Variants in SKAP1 observed in about 807,000 individuals in gnomAD.
The protein encoded by SKAP1 is src kinase-associated phosphoprotein 1.
SKAP1 carries 44 observed loss-of-function variants against 58.5 expected under a neutral mutation model. The ratio of observed to expected loss-of-function variants is 0.75; its 90% confidence interval spans 0.59 to 0.97. The LOEUF is 0.97. SKAP1 is among the 50% of genes least tolerant of loss of function. SKAP1 has a pLI of 0.00. For missense variants in SKAP1, 390 were observed against 435.2 expected (o/e 0.90, Z 0.92); for synonymous variants, 127 against 149.7 (o/e 0.85, Z 1.11).
At position 48,227,800 on chromosome 17, in the gene SKAP1, C is replaced by G. The variant is rs138321888; in HGVS notation, c.281-38300G>C. On this transcript the variant is annotated intron_variant, in intron 4 of 12. Coordinates refer to ENST00000336915, the MANE Select transcript of SKAP1 (RefSeq NM_003726.4). ...GCCTGCTCTGAATCCAGGTTCCAAC[C>G]CTTACCAGCTGTGAGACTTCAGCGA... is the stretch of plus-strand genomic sequence containing the variant. Among the ~76,000 whole-genome samples the G allele has an allele frequency of 1.2e-3, 186 of 152,274 alleles. 3 individuals are homozygous for G. In the East Asian group the frequency reaches 0.031, roughly 26 times the overall value.
At chr17:48,208,216 C>T (rs867487729) in intron 4 of SKAP1, among the ~76,000 whole-genome samples, 8 of 152,198 alleles carry the variant, frequency 5.3e-5, no homozygotes, top group Middle Eastern at 3.4e-3. Flanking sequence ...GATATATGGG[C>T]GTTAGACCCA....
intron 2 of SKAP1, among the ~76,000 whole-genome samples, chr17:48,385,412 G>A (rs2067263379): frequency 6.6e-6 from 1 of 152,030 alleles, no homozygotes; most frequent in African/African-American, 2.4e-5. Context: ...AGAAATTTGA[G>A]TATATTTATA....
At chr17:48,329,404 G>T (rs1008229295) in intron 4 of SKAP1, among the ~76,000 whole-genome samples, 49 of 152,100 alleles carry the variant, frequency 3.2e-4, no homozygotes, top group Non-Finnish European at 4.9e-4. Flanking sequence ...CAAAAATCTG[G>T]AGGAGTAACA....
chr17:48,209,508 G>A (rs2064847068), intron 4 of SKAP1, among the ~76,000 whole-genome samples: 1 of 152,208 alleles, frequency 6.6e-6, no homozygotes, highest in Non-Finnish European at 1.5e-5. Flanking sequence ...TGATTAGACT[G>A]ACTGTGCCTG....
intron 2 of SKAP1, among the ~76,000 whole-genome samples, chr17:48,385,672 T>C (rs1239395540): frequency 2.0e-5 from 3 of 152,066 alleles, no homozygotes; most frequent in East Asian, 3.9e-4. Flanking sequence ...AGCAGGGAGC[T>C]TGAAGAATGC....
intron 2 of SKAP1, among the ~76,000 whole-genome samples, chr17:48,369,015 C>T (rs1330957961): frequency 2.0e-5 from 3 of 151,992 alleles, no homozygotes; most frequent in African/African-American, 4.8e-5. Context: ...GGCGTAGTGG[C>T]GCATGCCTGT....
chr17:48,323,878 A>G (rs536485162), intron 4 of SKAP1, among the ~76,000 whole-genome samples: 1 of 152,174 alleles, frequency 6.6e-6, no homozygotes, highest in Admixed American at 6.6e-5. Flanking sequence ...GAGTCTTCCC[A>G]GGTCTGGTTG....
At chr17:48,411,072 G>A (rs190748661) in intron 1 of SKAP1, among the ~76,000 whole-genome samples, 29 of 151,486 alleles carry the variant, frequency 1.9e-4, no homozygotes, top group Admixed American at 1.2e-3. Context: ...AAGTATGCAC[G>A]ATTCCATACT....
At chr17:48,365,006 C>T (rs1333068262) in intron 2 of SKAP1, among the ~76,000 whole-genome samples, 2 of 152,146 alleles carry the variant, frequency 1.3e-5, no homozygotes, top group Non-Finnish European at 2.9e-5. Context: ...ACCTCAGCCT[C>T]CCATGTAGCT....
At chr17:48,387,246 C>T (rs2067288845) in intron 2 of SKAP1, among the ~76,000 whole-genome samples, 1 of 152,164 alleles carries the variant, frequency 6.6e-6, no homozygotes, top group Admixed American at 6.5e-5. Context: ...GCTTCCTTAC[C>T]ATTTTCATCA....
At chr17:48,176,031 C>CA (rs2064285127) in intron 9 of SKAP1, among the ~76,000 whole-genome samples, 1 of 152,176 alleles carries the variant, frequency 6.6e-6, no homozygotes, top group Non-Finnish European at 1.5e-5. Flanking sequence ...GTTCCCCCTT[C>CA]CTGTGGGTCT....
intron 2 of SKAP1, among the ~76,000 whole-genome samples, chr17:48,379,726 G>A (rs2067192692): frequency 6.9e-6 from 1 of 144,312 alleles, no homozygotes. Context: ...CTGTTGCCCA[G>A]GCTGGAGTGC....
chr17:48,405,857 T>C (rs896852618), intron 1 of SKAP1, among the ~76,000 whole-genome samples: 6 of 152,086 alleles, frequency 3.9e-5, no homozygotes, highest in African/African-American at 1.4e-4. Flanking sequence ...AAATGCTTAA[T>C]AGCCACAGAC....
intron 3 of SKAP1, among the ~76,000 whole-genome samples, chr17:48,355,023 G>C (rs1335564340): frequency 6.6e-6 from 1 of 152,166 alleles, no homozygotes; most frequent in South Asian, 2.1e-4. Context: ...GATTTTCTGT[G>C]TTAGTCCAGG....
At chr17:48,425,704 T>C (rs1891213524) in intron 1 of SKAP1, among the ~76,000 whole-genome samples, 1 of 152,194 alleles carries the variant, frequency 6.6e-6, no homozygotes, top group Non-Finnish European at 1.5e-5. Flanking sequence ...TATATCTCAA[T>C]TCCAACTAAC....
At chr17:48,171,063 C>G (rs2064205243) in intron 9 of SKAP1, among the ~76,000 whole-genome samples, 2 of 139,372 alleles carry the variant, frequency 1.4e-5, no homozygotes, top group African/African-American at 2.6e-5. Context: ...TCATCATACT[C>G]TCTTCTTTAA....
intron 4 of SKAP1, among the ~76,000 whole-genome samples, chr17:48,252,822 T>C (rs2957932): frequency 0.79 from 120,128 of 151,676 alleles, 47,707 homozygotes; most frequent in East Asian, 0.95. Flanking sequence ...GAACTTTGAT[T>C]TATATACTGT....
intron 4 of SKAP1, among the ~76,000 whole-genome samples, chr17:48,255,234 G>T (rs991201785): frequency 2.6e-5 from 4 of 151,934 alleles, no homozygotes; most frequent in Non-Finnish European, 1.5e-5. Context: ...AAAATGACTG[G>T]ATCTTAAATC....
chr17:48,185,203 A>T (rs945629566), intron 6 of SKAP1: 2 of 199,974 alleles, frequency 1.0e-5, no homozygotes, highest in African/African-American at 4.8e-5. Flanking sequence ...TAAAGCTGAA[A>T]CATTATTATC....
Sources: gnomAD v4.1 joint callset for allele counts (sites outside exome capture counted in the v4.1 genomes callset) on GRCh38, gnomAD v4.1.1 for gene constraint, MANE v1.5 for transcripts, NCBI Gene and HGNC (gene_info 2026-07-23, HGNC 2026-07-21) for gene names.